Variants in PRKCG observed in about 807,000 individuals in gnomAD.
The protein encoded by PRKCG is protein kinase C gamma.
A neutral mutation model predicts 82.0 loss-of-function variants in PRKCG; 28 were observed. The ratio of observed to expected loss-of-function variants is 0.34; its 90% confidence interval spans 0.25 to 0.47. The LOEUF is 0.47. Among genes scored for constraint, PRKCG ranks in the 20% least tolerant of loss-of-function variants. The pLI, the probability that PRKCG is intolerant of heterozygous loss-of-function variation, is 1.00. For synonymous variants in PRKCG, 383 were observed against 376.6 expected, an observed-to-expected ratio of 1.02 and a Z score of -0.20; for missense variants, 640 against 952.7, an observed-to-expected ratio of 0.67 and a Z score of 4.32.
chr19:53,887,273 G>A (rs1352158346), intron 3 of PRKCG, among the ~76,000 whole-genome samples: 1 of 151,924 alleles, frequency 6.6e-6, no homozygotes, highest in Non-Finnish European at 1.5e-5. Context: ...CGAGGCGGGT[G>A]GATCACCTGA....
At chr19:53,891,924 G>C in intron 6 of PRKCG, 94 bp downstream of exon 6, 2 of 1,528,068 alleles carry the variant, frequency 1.3e-6, no homozygotes, top group Non-Finnish European at 1.8e-6. Context: ...GGAGGGGTTA[G>C]GATAGAGGGA....
rs1182567456 is a variant in PRKCG, at chr19:53,892,379, G to T, written c.687-130G>T. The T allele has an allele frequency of 1.4e-6, 2 of 1,413,690 alleles. No homozygotes were observed. Among genetic ancestry groups the T allele is most frequent in the East Asian group, 2.5e-5 (1 of 40,190 alleles). The allele number at this position is 1,413,690 out of a possible 1,614,324, so 87.6% of individuals were successfully genotyped here. A position where few individuals can be genotyped will look rare whatever the true frequency, so the allele number is the denominator to read the frequency against. On this transcript the variant is annotated intron_variant, in intron 6 of 17. Coordinates refer to ENST00000263431, the MANE Select transcript of PRKCG (RefSeq NM_002739.5). This position sits in a 1 kb window ranked among gnomAD's most constrained non-coding sequence, Gnocchi z 5.9. ...GAGAGCCCGGCTGGGAAGGTCAGAG[G>T]TCGGAGACCGACAAAGCAGGAGAGG...
chr19:53,902,937 T>C lies in PRKCG; in HGVS notation c.1576-136T>C, dbSNP rs60880883. On this transcript the variant is annotated intron_variant, in intron 14 of 17. Transcript: ENST00000263431. ...AAAAACGAAACAAAAAATCACCTGA[T>C]GAAATAAATATTCAGAGTGGGAAGA... 16,242 of 547,900 alleles carry C rather than the reference T, an allele frequency of 0.03. 814 individuals carry two copies. Among genetic ancestry groups the C allele is most frequent in the East Asian group, 0.16 (5,027 of 30,816 alleles). 33.9% of individuals were successfully genotyped at this position (547,900 alleles called of 1,614,324 possible).
Position 53,900,482 on chromosome 19 carries a change from GT to G in PRKCG, c.1436+2del. 6.2e-7 allele frequency: 1 copy of G among 1,614,144 alleles called. No homozygotes were observed. The highest frequency in any genetic ancestry group is 8.5e-7 in the Non-Finnish European group (1 of 1,180,014). ...TTCACAATCAGGGCATCATCTACAGGTGAGCAGCCCCAGGAATTTCCGTGGA... is the reference window on the plus strand; with the variant it reads ...TTCACAATCAGGGCATCATCTACAGGGAGCAGCCCCAGGAATTTCCGTGGA... On this transcript the variant is annotated splice_donor_variant, in intron 13 of 17. Transcript: ENST00000263431. LOFTEE classifies it high-confidence loss of function. This position sits in a 1 kb window ranked among gnomAD's most constrained non-coding sequence, Gnocchi z 4.2.
chr19:53,882,264 C>G lies in PRKCG; in HGVS notation c.-231C>G, dbSNP rs2068597215. Reference sequence around the variant, plus strand: ...CCCGTGCCTCCGGCTGCCGGCGCCCCTGCCTTTGGCTCTTCCTCCCCACTC... The same window carrying G: ...CCCGTGCCTCCGGCTGCCGGCGCCCGTGCCTTTGGCTCTTCCTCCCCACTC... On this transcript the variant is annotated 5_prime_UTR_variant, in exon 1 of 18. Coordinates refer to ENST00000263431, the MANE Select transcript of PRKCG (RefSeq NM_002739.5). The surrounding 1 kb of genome is among the most constrained non-coding windows in gnomAD (Gnocchi z 6.1). The G allele has an allele frequency of 1.7e-6, 1 of 603,206 alleles. No individual in the cohort carries two copies. Among genetic ancestry groups the G allele is most frequent in the South Asian group, 1.7e-5 (1 of 58,602 alleles). The allele number at this position is 603,206 out of a possible 1,614,324, so 37.4% of individuals were successfully genotyped here.
intron 3 of PRKCG, among the ~76,000 whole-genome samples, chr19:53,887,357 C>T (rs557122743): frequency 1.1e-4 from 16 of 151,708 alleles, no homozygotes; most frequent in East Asian, 9.7e-4. Context: ...ATTAGCTGGG[C>T]GTGGTGGCAC....
Position 53,907,124 on chromosome 19 carries a change from T to G in PRKCG, c.*229T>G. 1 of 1,009,564 alleles carries G rather than the reference T, an allele frequency of 9.9e-7. No homozygotes were observed. The highest frequency in any genetic ancestry group is 1.4e-6 in the Non-Finnish European group (1 of 704,174). 62.5% of individuals were successfully genotyped at this position (1,009,564 alleles called of 1,614,324 possible). On this transcript the variant is annotated 3_prime_UTR_variant, in exon 18 of 18. Coordinates refer to ENST00000263431, the MANE Select transcript of PRKCG (RefSeq NM_002739.5). ...TCAAGACTTGAGCGGAGCCCGATAT[T>G]CTCCCTGACCTTAGCGTTCTGGACT...
In PRKCG at chr19:53,884,013, T is replaced by C. The variant is rs968834587; in HGVS notation, c.203-148T>C. On this transcript the variant is annotated intron_variant, in intron 2 of 17. Coordinates refer to ENST00000263431, the MANE Select transcript of PRKCG (RefSeq NM_002739.5). The surrounding 1 kb of genome is among the most constrained non-coding windows in gnomAD (Gnocchi z 4.6). ...TCTCTCTCTGGCCTCCGATTTTCTCTCTGTTGGACTCTCTGTGTTGAGATC... is the reference window on the plus strand; with the variant it reads ...TCTCTCTCTGGCCTCCGATTTTCTCCCTGTTGGACTCTCTGTGTTGAGATC... 2.6e-6 allele frequency: 2 copies of C among 767,536 alleles called. No individual in the cohort carries two copies. Among genetic ancestry groups the C allele is most frequent in the Admixed American group, 2.1e-5 (1 of 48,454 alleles). 47.5% of individuals were successfully genotyped at this position (767,536 alleles called of 1,614,324 possible).
At position 53,907,083 on chromosome 19, in the gene PRKCG, T is replaced by C; in HGVS notation, c.*188T>C. ...GGCCTTCTGAACTCCATACAGCCTCTACAGCCGTCCCGCGTTCAAGACTTG... is the reference window on the plus strand; with the variant it reads ...GGCCTTCTGAACTCCATACAGCCTCCACAGCCGTCCCGCGTTCAAGACTTG... On this transcript the variant is annotated 3_prime_UTR_variant, in exon 18 of 18. Transcript: ENST00000263431. 7.6e-7 allele frequency: 1 copy of C among 1,321,968 alleles called. No homozygotes were observed. Among genetic ancestry groups the C allele is most frequent in the Non-Finnish European group, 1.0e-6 (1 of 974,694 alleles). The allele number at this position is 1,321,968 out of a possible 1,614,324, so 81.9% of individuals were successfully genotyped here.
Position 53,900,710 on chromosome 19 carries a change from C to A in PRKCG, c.1536C>A (p.Thr512=). The change falls in exon 14 of 18, where the codon ACC becomes ACA. Residue 512 remains threonine (T), a synonymous_variant. Transcript: ENST00000263431. The surrounding 1 kb of genome is among the most constrained non-coding windows in gnomAD (Gnocchi z 4.2). Reference sequence around the variant, plus strand: ...AGAACGTCTTCCCCGGGACGACAACCCGCACCTTCTGCGGGACCCCGGACT... The same window carrying A: ...AGAACGTCTTCCCCGGGACGACAACACGCACCTTCTGCGGGACCCCGGACT... ...CKENVFPGTT[T]RTFCGTPDYI... The A allele has an allele frequency of 1.2e-6, 2 of 1,614,256 alleles. No homozygotes were observed.
In PRKCG at chr19:53,884,650, A is replaced by T. The variant is rs1372847220; in HGVS notation, c.285+407A>T. Among the ~76,000 whole-genome samples the T allele has an allele frequency of 6.6e-6, 1 of 152,190 alleles. No homozygotes were observed. The highest frequency in any genetic ancestry group is 1.5e-5 in the Non-Finnish European group (1 of 68,032). ...AGACAGAAGAAGACAGAGACCTAGG[A>T]GAGACTGAAGCTGAGGCAGAGAGAG... On this transcript the variant is annotated intron_variant, in intron 3 of 17. Coordinates refer to ENST00000263431, the MANE Select transcript of PRKCG (RefSeq NM_002739.5). This position sits in a 1 kb window ranked among gnomAD's most constrained non-coding sequence, Gnocchi z 4.6.
rs755036563 is a variant in PRKCG at position 53,882,363 on chromosome 19, C to T, written c.-132C>T. The T allele has an allele frequency of 1.5e-6, 2 of 1,361,070 alleles. No homozygotes were observed. The highest frequency in any genetic ancestry group is 2.0e-6 in the Non-Finnish European group (2 of 989,036). The allele number at this position is 1,361,070 out of a possible 1,614,324, so 84.3% of individuals were successfully genotyped here. A position where few individuals can be genotyped will look rare whatever the true frequency, so the allele number is the denominator to read the frequency against. The stretch of plus-strand genomic sequence containing the variant: ...CTGGCGCGCTCCGCACCTGGAGGTG[C>T]CTTGCCCCTCTCCTGCCCACCTCGG... On this transcript the variant is annotated 5_prime_UTR_variant, in exon 1 of 18. Transcript: ENST00000263431. The surrounding 1 kb of genome is among the most constrained non-coding windows in gnomAD (Gnocchi z 6.1).
At position 53,882,283 on chromosome 19, in the gene PRKCG, C is replaced by T. The variant is rs781024396; in HGVS notation, c.-212C>T. The T allele has an allele frequency of 1.5e-6, 1 of 668,676 alleles. No homozygotes were observed. The highest frequency in any genetic ancestry group is 3.0e-5 in the Admixed American group (1 of 33,296). 41.4% of individuals were successfully genotyped at this position (668,676 alleles called of 1,614,324 possible). On this transcript the variant is annotated 5_prime_UTR_variant, in exon 1 of 18. Coordinates refer to ENST00000263431, the MANE Select transcript of PRKCG (RefSeq NM_002739.5). This position sits in a 1 kb window ranked among gnomAD's most constrained non-coding sequence, Gnocchi z 6.1. Reference sequence around the variant, plus strand: ...GCGCCCCTGCCTTTGGCTCTTCCTCCCCACTCGCCCGCTCCCCCTGGCGGA... The same window carrying T: ...GCGCCCCTGCCTTTGGCTCTTCCTCTCCACTCGCCCGCTCCCCCTGGCGGA...
intron 5 of PRKCG, 149 bp from the exon 6 acceptor site, chr19:53,891,525 G>A (rs1014646474): frequency 3.2e-5 from 28 of 886,848 alleles, no homozygotes; most frequent in South Asian, 6.6e-5. Flanking sequence ...CTTGTGATCC[G>A]CCCGCCTTGG....
rs1363955145 is a variant in PRKCG, at chr19:53,897,864, C to T, written c.940-95C>T. On this transcript the variant is annotated intron_variant, in intron 9 of 17. Coordinates refer to ENST00000263431, the MANE Select transcript of PRKCG (RefSeq NM_002739.5). ...TTTTCCTCTGTCTAGCGATTCTCAT[C>T]CTTTCCTTTCTTGGGTGCTGTGTCT... 2.6e-6 allele frequency: 4 copies of T among 1,566,342 alleles called. No individual in the cohort carries two copies. In the African/African-American group the frequency reaches 5.4e-5, roughly 21 times the overall value.
At chr19:53,893,645 C>A (rs149820680) in intron 9 of PRKCG, among the ~76,000 whole-genome samples, 76 of 152,244 alleles carry the variant, frequency 5.0e-4, no homozygotes, top group South Asian at 2.1e-3. Context: ...GCCCAGGGCA[C>A]TGAAGAGGCC....
At position 53,882,780 on chromosome 19, in the gene PRKCG, T is replaced by A. The variant is rs1488165610; in HGVS notation, c.170+116T>A. ...GGCTGTAGTCCCGACTCCCAGGTTC[T>A]AGGATGGCCAGGGAACGCTGGGAGC... On this transcript the variant is annotated intron_variant, in intron 1 of 17. Coordinates refer to ENST00000263431, the MANE Select transcript of PRKCG (RefSeq NM_002739.5). The surrounding 1 kb of genome is among the most constrained non-coding windows in gnomAD (Gnocchi z 6.1). 1 of 1,399,078 alleles carries A rather than the reference T, an allele frequency of 7.1e-7. No individual in the cohort carries two copies. The highest frequency in any genetic ancestry group is 9.5e-7 in the Non-Finnish European group (1 of 1,047,326). The allele number at this position is 1,399,078 out of a possible 1,614,324, so 86.7% of individuals were successfully genotyped here.
intron 9 of PRKCG, 105 bp from the exon 10 acceptor site, chr19:53,897,854 C>T (rs1011926391): frequency 1.1e-5 from 17 of 1,527,972 alleles, no homozygotes; most frequent in Middle Eastern, 4.6e-4. Flanking sequence ...CTCTGTCTAG[C>T]GATTCTCATC....
In PRKCG at chr19:53,883,107, G is replaced by T; in HGVS notation, c.171-56G>T. Reference sequence around the variant, plus strand: ...GCGCAGGCCCCCTGTGGCTCGCAGAGGTTGGGGGTCCAGGTACCCCTTTCT... The same window carrying T: ...GCGCAGGCCCCCTGTGGCTCGCAGATGTTGGGGGTCCAGGTACCCCTTTCT... On this transcript the variant is annotated intron_variant, in intron 1 of 17. Coordinates refer to ENST00000263431, the MANE Select transcript of PRKCG (RefSeq NM_002739.5). The surrounding 1 kb of genome is among the most constrained non-coding windows in gnomAD (Gnocchi z 5.4). 1 of 1,607,652 alleles carries T rather than the reference G, an allele frequency of 6.2e-7. No homozygotes were observed. The highest frequency in any genetic ancestry group is 8.5e-7 in the Non-Finnish European group (1 of 1,174,288).
Sources: gnomAD v4.1 joint callset for allele counts (sites outside exome capture counted in the v4.1 genomes callset) on GRCh38, gnomAD v4.1.1 for gene constraint, Gnocchi (gnomAD v3.1) non-coding constraint, MANE v1.5 for transcripts, NCBI Gene and HGNC (gene_info 2026-07-23, HGNC 2026-07-21) for gene names.